Variants in SNX17 observed in about 807,000 individuals in gnomAD.
The protein encoded by SNX17 is sorting nexin 17.
Under a neutral mutation model 64.3 loss-of-function variants are expected in SNX17, and 35 were observed. The observed-to-expected ratio is 0.54, with a 90% CI of 0.42 to 0.72. The LOEUF (loss-of-function observed/expected upper bound fraction) is 0.72, where lower values mean the gene tolerates loss of function less well. SNX17 is among the 30% of genes least tolerant of loss of function. The pLI, the probability that SNX17 is intolerant of heterozygous loss-of-function variation, is 0.00. For missense variants in SNX17, 538 were observed against 610.0 expected (o/e 0.88, Z 1.24); for synonymous variants, 259 against 230.2 (o/e 1.13, Z -1.13).
chr2:27,374,569 C>T, intron 7 of SNX17, 120 bp from the exon 8 acceptor site: 1 of 1,228,798 alleles, frequency 8.1e-7, no homozygotes, highest in South Asian at 1.2e-5. Context: ...CAAGCTTCCT[C>T]CCACTATACC....
Position 27,374,828 on chromosome 2 carries a change from C to T in SNX17, c.681+70C>T, listed in dbSNP as rs1157853465. The T allele has an allele frequency of 1.6e-5, 23 of 1,440,340 alleles. No individual in the cohort carries two copies. In the South Asian group the frequency reaches 2.4e-4, roughly 15 times the overall value. The allele number at this position is 1,440,340 out of a possible 1,614,324, so 89.2% of individuals were successfully genotyped here. A position where few individuals can be genotyped will look rare whatever the true frequency, so the allele number is the denominator to read the frequency against. On this transcript the variant is annotated intron_variant, in intron 8 of 14. Transcript: ENST00000233575. ...CGGGTGACTCACTCTCCCAAGAAAA[C>T]TGCTGTCGTGTCTTTGTTCCCAATT...
At chr2:27,372,007 C>T (rs1682648102) in intron 2 of SNX17, among the ~76,000 whole-genome samples, 1 of 152,180 alleles carries the variant, frequency 6.6e-6, no homozygotes, top group Non-Finnish European at 1.5e-5. Context: ...TCCTCAGCCT[C>T]CTGAGTAGCT....
In SNX17 at chr2:27,374,138, ATTC is replaced by A. The variant is rs1682919266; in HGVS notation, c.489_491del (p.Phe163del). ...ATGACTTGATTGGATACTTTAGTCT[ATTC>A]TTAGTTCGAGAAAAAGAGGATGGAG... On this transcript the variant is annotated inframe_deletion, in exon 6 of 15. Coordinates refer to ENST00000233575, the MANE Select transcript of SNX17 (RefSeq NM_014748.4). 1 of 1,614,010 alleles carries A rather than the reference ATTC, an allele frequency of 6.2e-7. No homozygotes were observed. The highest frequency in any genetic ancestry group is 1.1e-5 in the South Asian group (1 of 91,080).
chr2:27,376,214 C>G lies in SNX17; in HGVS notation c.1182+31C>G, dbSNP rs377213004. The G allele has an allele frequency of 1.2e-4, 191 of 1,613,144 alleles. 1 individual carries two copies. The South Asian group carries it at 1.5e-3, about 13-fold the overall frequency. On this transcript the variant is annotated intron_variant, in intron 12 of 14. Coordinates refer to ENST00000233575, the MANE Select transcript of SNX17 (RefSeq NM_014748.4). ...CAGCAAGTGTGGACTGAGCAGTGAG[C>G]AGGTGTGCTCCCCTTGCCTTTTGTC... is the stretch of plus-strand genomic sequence containing the variant.
chr2:27,374,923 T>G, intron 8 of SNX17, 138 bp from the exon 9 acceptor site: 1 of 964,166 alleles, frequency 1.0e-6, no homozygotes, highest in South Asian at 1.4e-5. Flanking sequence ...TTTATTAAGC[T>G]GACAAGATCA....
At chr2:27,371,409 C>T (rs777895371) in intron 2 of SNX17, 66 bp downstream of exon 2, 2 of 1,540,416 alleles carry the variant, frequency 1.3e-6, no homozygotes, top group South Asian at 2.4e-5. Flanking sequence ...ATCAGTGTCT[C>T]CCTTTACCCG....
rs535855150 is a variant in SNX17 at position 27,371,153 on chromosome 2, C to T, written c.64-116C>T. 33 of 930,974 alleles carry T rather than the reference C, an allele frequency of 3.5e-5. No homozygotes were observed. The East Asian group carries it at 5.0e-4, about 14-fold the overall frequency. The allele number at this position is 930,974 out of a possible 1,614,324, so 57.7% of individuals were successfully genotyped here. On this transcript the variant is annotated intron_variant, in intron 1 of 14. Coordinates refer to ENST00000233575, the MANE Select transcript of SNX17 (RefSeq NM_014748.4). ...GCCCTGGCGAAAACAAGCGAACTATCCCTCGGGAGATTAGCGCGTTACTCC... is the reference window on the plus strand; with the variant it reads ...GCCCTGGCGAAAACAAGCGAACTATTCCTCGGGAGATTAGCGCGTTACTCC...
chr2:27,377,452 C>T lies in SNX17; in HGVS notation c.*733C>T. 1 of 1,405,180 alleles carries T rather than the reference C, an allele frequency of 7.1e-7. No individual in the cohort carries two copies. The highest frequency in any genetic ancestry group is 9.9e-7 in the Non-Finnish European group (1 of 1,005,496). 87.0% of individuals were successfully genotyped at this position (1,405,180 alleles called of 1,614,324 possible). On this transcript the variant is annotated 3_prime_UTR_variant, in exon 15 of 15. Coordinates refer to ENST00000233575, the MANE Select transcript of SNX17 (RefSeq NM_014748.4). The surrounding 1 kb of genome is among the most constrained non-coding windows in gnomAD (Gnocchi z 4.4). ...TGGGGTTGGGCTGGTCCTTATAGTG[C>T]CTACGTTAGTCTGTGTGGAGCCCCT...
At position 27,374,400 on chromosome 2, in the gene SNX17, G is replaced by A. The variant is rs375833293; in HGVS notation, c.578G>A (p.Arg193Gln). ...CCTTATGTGTCTGTCACCAGCCTTC[G>A]GAGTCAAGAGTATAAGATTGTGCTA... ...ELPYVSVTSL[R>Q]SQEYKIVLRK... Residue 193 changes from arginine to glutamine, a missense_variant, in exon 7 of 15, where the codon CGG becomes CAG. This residue lies in a region of SNX17 where 505 missense variants were observed against 550.4 expected (regional missense o/e 0.92). Transcript: ENST00000233575. 4.1e-5 allele frequency: 66 copies of A among 1,613,658 alleles called. No individual in the cohort carries two copies. The highest frequency in any genetic ancestry group is 2.7e-4 in the African/African-American group (20 of 74,714).
In SNX17 at chr2:27,377,399, C is replaced by G; in HGVS notation, c.*680C>G. ...GAAGTGCCTCAGTCAAGGCAAGGTC[C>G]CCTGGTCCATATGGGCCCCCCCGCC... On this transcript the variant is annotated 3_prime_UTR_variant, in exon 15 of 15. Transcript: ENST00000233575. The surrounding 1 kb of genome is among the most constrained non-coding windows in gnomAD (Gnocchi z 4.4). 2 of 867,772 alleles carry G rather than the reference C, an allele frequency of 2.3e-6. No individual in the cohort carries two copies. The highest frequency in any genetic ancestry group is 3.7e-6 in the Non-Finnish European group (2 of 535,386). 53.8% of individuals were successfully genotyped at this position (867,772 alleles called of 1,614,324 possible).
intron 5 of SNX17, 37 bp from the exon 6 acceptor site, chr2:27,374,048 C>T (rs751616432): frequency 6.2e-7 from 1 of 1,609,314 alleles, no homozygotes; most frequent in Non-Finnish European, 8.5e-7. Flanking sequence ...TTGGAACCAG[C>T]CAGTATGATG....
In SNX17 at chr2:27,370,624, C is replaced by T. The variant is rs751129915; in HGVS notation, c.-120C>T. ...GTCCCACCGCCTTCCCACATCGGAT[C>T]GCAGGGCTCCCAAAATGGCGAGTGA... On this transcript the variant is annotated 5_prime_UTR_variant, in exon 1 of 15. Transcript: ENST00000233575. 9.6e-6 allele frequency: 14 copies of T among 1,455,486 alleles called. No homozygotes were observed. The highest frequency in any genetic ancestry group is 1.9e-4 in the Middle Eastern group (1 of 5,240). The allele number at this position is 1,455,486 out of a possible 1,614,324, so 90.2% of individuals were successfully genotyped here. A position where few individuals can be genotyped will look rare whatever the true frequency, so the allele number is the denominator to read the frequency against.
chr2:27,374,240 TC>T, intron 6 of SNX17, 65 bp downstream of exon 6: 1 of 1,410,712 alleles, frequency 7.1e-7, no homozygotes, highest in Non-Finnish European at 1.0e-6. Flanking sequence ...CCCCCCTAAC[TC>T]CCCACCCCCA....
Position 27,377,526 on chromosome 2 carries a change from T to G in SNX17, c.*807T>G, listed in dbSNP as rs995134793. ...GCTTCTGGTCCGTCTGTATAAAACA[T>G]GGGGAAGAAGGACCTAGTTCAGGAT... On this transcript the variant is annotated 3_prime_UTR_variant, in exon 15 of 15. Coordinates refer to ENST00000233575, the MANE Select transcript of SNX17 (RefSeq NM_014748.4). This position sits in a 1 kb window ranked among gnomAD's most constrained non-coding sequence, Gnocchi z 4.4. 1.2e-6 allele frequency: 2 copies of G among 1,613,358 alleles called. No individual in the cohort carries two copies. The highest frequency in any genetic ancestry group is 2.7e-5 in the African/African-American group (2 of 74,926).
intron 3 of SNX17, chr2:27,372,990 T>A: frequency 6.7e-7 from 1 of 1,492,554 alleles, no homozygotes; most frequent in South Asian, 1.2e-5. Flanking sequence ...TGGAGAGAAC[T>A]TAATTTGTAT....
intron 6 of SNX17, 66 bp downstream of exon 6, chr2:27,374,241 C>A: frequency 8.8e-7 from 1 of 1,131,124 alleles, no homozygotes; most frequent in Non-Finnish European, 1.3e-6. Flanking sequence ...CCCCCTAACT[C>A]CCCACCCCCA....
rs760799848 is a variant in SNX17 at position 27,376,159 on chromosome 2, G to A, written c.1158G>A (p.Lys386=). 32 of 1,614,022 alleles carry A rather than the reference G, an allele frequency of 2.0e-5. No individual in the cohort carries two copies. In the South Asian group the frequency reaches 3.2e-4, roughly 16 times the overall value. The change falls in exon 12 of 15, where the codon AAG becomes AAA. Residue 386 remains lysine (K), a synonymous_variant. Transcript: ENST00000233575. The part of the protein sequence containing the change: ...LQSMVDELMV[K]KSGGSIRKML... ...CCATGGTTGATGAACTGATGGTGAA[G>A]AAATCTGGCGGCAGTATCAGGAAGG...
intron 2 of SNX17, among the ~76,000 whole-genome samples, chr2:27,372,128 C>T (rs1682667338): frequency 6.6e-6 from 1 of 152,204 alleles, no homozygotes; most frequent in South Asian, 2.1e-4. Context: ...AGGTGATCCA[C>T]CCACCTTGCC....
chr2:27,375,852 T>C lies in SNX17; in HGVS notation c.985T>C (p.Leu329=), dbSNP rs370262796. The stretch of plus-strand genomic sequence containing the variant: ...ATTCCCCTTCCTCTCCCAGGTACCA[T>C]TGCCCAGTGGAAGCACGAGCAGCCC... ...RCWRVTSSVP[L]PSGSTSSPGR... is the part of the protein sequence containing the mutation. The change falls in exon 11 of 15, where the codon TTG becomes CTG. Residue 329 remains leucine (L), a synonymous_variant. Coordinates refer to ENST00000233575, the MANE Select transcript of SNX17 (RefSeq NM_014748.4). This position sits in a 1 kb window ranked among gnomAD's most constrained non-coding sequence, Gnocchi z 4.1. 3.5e-5 allele frequency: 56 copies of C among 1,613,998 alleles called. No homozygotes were observed. The highest frequency in any genetic ancestry group is 2.8e-4 in the African/African-American group (21 of 75,048).
Sources: allele counts gnomAD v4.1 joint callset (sites outside exome capture counted in the v4.1 genomes callset), GRCh38; gene constraint gnomAD v4.1.1; regional missense constraint gnomAD v4.1.1; non-coding constraint Gnocchi (gnomAD v3.1); transcripts MANE v1.5; gene names NCBI Gene and HGNC (gene_info 2026-07-23, HGNC 2026-07-21).